CAMKMT: variants seen among roughly 807,000 people sequenced by gnomAD.
The protein encoded by CAMKMT is CaM KMT.
CAMKMT carries 53 observed loss-of-function variants against 48.0 expected under a neutral mutation model. The ratio of observed to expected loss-of-function variants is 1.10; its 90% CI spans 0.89 to 1.39. The LOEUF is 1.39. Ranked by LOEUF, CAMKMT falls within the 40% of genes most tolerant of loss-of-function variation. CAMKMT has a pLI of 0.00. For synonymous variants in CAMKMT, 165 were observed against 152.3 expected, an observed-to-expected ratio of 1.08 and a Z score of -0.61; for missense variants, 428 against 402.7, an observed-to-expected ratio of 1.06 and a Z score of -0.54.
intron 3 of CAMKMT, among the ~76,000 whole-genome samples, chr2:44,519,144 AT>A: frequency 6.6e-6 from 1 of 152,368 alleles, no homozygotes; most frequent in Non-Finnish European, 1.5e-5. Flanking sequence ...ATACTTCAGC[AT>A]AATAGAGTGC....
chr2:44,535,765 A>G (rs1401880895), intron 3 of CAMKMT, among the ~76,000 whole-genome samples: 1 of 152,194 alleles, frequency 6.6e-6, no homozygotes, highest in Non-Finnish European at 1.5e-5. Context: ...ATATATGACA[A>G]GCCCATGTAA....
intron 3 of CAMKMT, among the ~76,000 whole-genome samples, chr2:44,418,267 A>G (rs574265650): frequency 1.3e-5 from 2 of 151,676 alleles, no homozygotes; most frequent in East Asian, 1.9e-4. Flanking sequence ...GCATGTACTA[A>G]GAGTATTTCC....
intron 3 of CAMKMT, among the ~76,000 whole-genome samples, chr2:44,477,736 T>C (rs1250695527): frequency 1.3e-5 from 2 of 152,242 alleles, no homozygotes; most frequent in Non-Finnish European, 2.9e-5. Context: ...AATAGTCATT[T>C]GAAGAAAATG....
chr2:44,544,483 G>A (rs1033505596), intron 3 of CAMKMT, among the ~76,000 whole-genome samples: 2 of 152,150 alleles, frequency 1.3e-5, no homozygotes, highest in Non-Finnish European at 2.9e-5. Flanking sequence ...TTCTCTTGCT[G>A]TTTAGTCAAA....
chr2:44,716,738 A>T (rs1678194524), intron 7 of CAMKMT, among the ~76,000 whole-genome samples: 1 of 152,050 alleles, frequency 6.6e-6, no homozygotes, highest in South Asian at 2.1e-4. Context: ...ATGATTTTCA[A>T]CCTGGTCTTT....
intron 3 of CAMKMT, among the ~76,000 whole-genome samples, chr2:44,409,094 T>A (rs1392568530): frequency 8.0e-4 from 1 of 1,252 alleles, no homozygotes; most frequent in East Asian, 0.028. Flanking sequence ...TATATATATA[T>A]ATATATATAT....
chr2:44,622,212 G>C (rs1672236604), intron 3 of CAMKMT, among the ~76,000 whole-genome samples: 1 of 151,980 alleles, frequency 6.6e-6, no homozygotes. Context: ...CTCATAAATT[G>C]GTAAATCTTG....
chr2:44,401,430 G>A lies in CAMKMT; in HGVS notation c.376+11125G>A, dbSNP rs180866573. On this transcript the variant is annotated intron_variant, in intron 3 of 10. Coordinates refer to ENST00000378494, the MANE Select transcript of CAMKMT (RefSeq NM_024766.5). Reference sequence around the variant, plus strand: ...AAATTAGCCAGGCATGGTGGCGGACGCCTGTAGTCTTAGCTATTCAAGAGG... The same window carrying A: ...AAATTAGCCAGGCATGGTGGCGGACACCTGTAGTCTTAGCTATTCAAGAGG... Among the ~76,000 whole-genome samples the A allele has an allele frequency of 1.1e-3, 160 of 152,096 alleles. 1 individual carries two copies. Among genetic ancestry groups the A allele is most frequent in the African/African-American group, 3.8e-3 (159 of 41,500 alleles).
chr2:44,691,349 C>T (rs140469825), intron 3 of CAMKMT, among the ~76,000 whole-genome samples: 3 of 152,362 alleles, frequency 2.0e-5, no homozygotes, highest in East Asian at 3.9e-4. Context: ...CCTCGGGGAA[C>T]GTTGCCTGAA....
At position 44,606,311 on chromosome 2, in the gene CAMKMT, A is replaced by C. The variant is rs6758854; in HGVS notation, c.377-97972A>C. 4.6e-5 allele frequency among the ~76,000 whole-genome samples: 7 copies of C among 151,994 alleles called. No homozygotes were observed. The East Asian group carries it at 1.2e-3, about 25-fold the overall frequency. The stretch of plus-strand genomic sequence containing the variant: ...TGATAATATATGATCATTCAGAGAA[A>C]TGGATTGGCTGAAACGATTACCTCT... On this transcript the variant is annotated intron_variant, in intron 3 of 10. Transcript: ENST00000378494.
intron 3 of CAMKMT, among the ~76,000 whole-genome samples, chr2:44,629,249 G>T (rs1335899418): frequency 6.6e-6 from 1 of 151,854 alleles, no homozygotes; most frequent in Non-Finnish European, 1.5e-5. Flanking sequence ...TTGATGATTT[G>T]ACTCCTACGT....
chr2:44,768,801 C>A (rs1680975091), intron 10 of CAMKMT, among the ~76,000 whole-genome samples: 1 of 152,180 alleles, frequency 6.6e-6, no homozygotes, highest in African/African-American at 2.4e-5. Context: ...CCATCTCTGG[C>A]CAAAGCCCCC....
chr2:44,403,428 A>G (rs1682565978), intron 3 of CAMKMT, among the ~76,000 whole-genome samples: 1 of 152,190 alleles, frequency 6.6e-6, no homozygotes, highest in South Asian at 2.1e-4. Flanking sequence ...TCTTTGGAAT[A>G]AGAGATGAGA....
At chr2:44,751,105 G>T (rs1388678406) in intron 8 of CAMKMT, among the ~76,000 whole-genome samples, 1 of 152,118 alleles carries the variant, frequency 6.6e-6, no homozygotes, top group African/African-American at 2.4e-5. Context: ...ATGAAATGCA[G>T]GGACCTGGGA....
chr2:44,711,932 T>A (rs1483393605), intron 6 of CAMKMT, among the ~76,000 whole-genome samples: 1 of 152,114 alleles, frequency 6.6e-6, no homozygotes, highest in African/African-American at 2.4e-5. Context: ...AAAGCTTATG[T>A]TTTTTCGACT....
chr2:44,729,955 G>A (rs981994316), intron 7 of CAMKMT, among the ~76,000 whole-genome samples: 1 of 152,176 alleles, frequency 6.6e-6, no homozygotes, highest in Non-Finnish European at 1.5e-5. Flanking sequence ...GAATTATGAT[G>A]TATGCCGAAG....
At chr2:44,384,345 C>G (rs776319149) in intron 2 of CAMKMT, among the ~76,000 whole-genome samples, 4 of 151,418 alleles carry the variant, frequency 2.6e-5, no homozygotes, top group African/African-American at 7.3e-5. Flanking sequence ...CTTACTGATT[C>G]GTTTGAGTTC....
chr2:44,441,939 A>C (rs976083255), intron 3 of CAMKMT, among the ~76,000 whole-genome samples: 1 of 152,114 alleles, frequency 6.6e-6, no homozygotes, highest in East Asian at 1.9e-4. Flanking sequence ...ATTTTCTTTC[A>C]GCACCTGCGG....
At chr2:44,724,212 A>G (rs966940881) in intron 7 of CAMKMT, among the ~76,000 whole-genome samples, 1 of 152,178 alleles carries the variant, frequency 6.6e-6, no homozygotes, top group Non-Finnish European at 1.5e-5. Context: ...TCAAAGCTGT[A>G]GTGTGTCATC....
Sources: allele counts gnomAD v4.1 joint callset (sites outside exome capture counted in the v4.1 genomes callset), GRCh38; gene constraint gnomAD v4.1.1; transcripts MANE v1.5; gene names NCBI Gene and HGNC (gene_info 2026-07-23, HGNC 2026-07-21).